PDE1A: variants seen among roughly 807,000 people sequenced by gnomAD.
The protein encoded by PDE1A is phosphodiesterase 1A, also known as dual specificity calcium/calmodulin-dependent 3',5'-cyclic nucleotide phosphodiesterase 1A.
PDE1A carries 35 observed loss-of-function variants against 61.7 expected under a neutral mutation model. The ratio of observed to expected loss-of-function variants is 0.57; its 90% CI spans 0.43 to 0.75. The LOEUF (loss-of-function observed/expected upper bound fraction) is 0.75. Among genes scored for constraint, PDE1A ranks in the 30% least tolerant of loss-of-function variants. PDE1A has a pLI of 0.00. For synonymous variants in PDE1A, 232 were observed against 213.2 expected, an observed-to-expected ratio of 1.09 and a Z score of -0.77; for missense variants, 597 against 630.6, an observed-to-expected ratio of 0.95 and a Z score of 0.57.
At chr2:182,373,344 C>T (rs542973485) in intron 1 of PDE1A, among the ~76,000 whole-genome samples, 1 of 152,230 alleles carries the variant, frequency 6.6e-6, no homozygotes, top group Non-Finnish European at 1.5e-5. Context: ...CAAGGGACTG[C>T]TAAGGAAAGG....
At chr2:182,527,040 A>T (rs557376176), upstream of PDE1A, among the ~76,000 whole-genome samples, 5 of 151,786 alleles carry the variant, frequency 3.3e-5, no homozygotes, top group Admixed American at 2.0e-4. Context: ...CATGACCAAT[A>T]AAAGATATTC....
At chr2:182,569,254 A>AATAT in the PDE1A span, among the ~76,000 whole-genome samples, 4,243 of 138,486 alleles carry the variant, frequency 0.031, 140 homozygotes, top group East Asian at 0.052. Flanking sequence ...ACCTGTCTCA[A>AATAT]ATATATATAT....
intron 1 of PDE1A, among the ~76,000 whole-genome samples, chr2:182,406,036 T>A (rs965646325): frequency 1.3e-5 from 2 of 152,020 alleles, no homozygotes; most frequent in Non-Finnish European, 2.9e-5. Flanking sequence ...CAAAAAAAAA[T>A]AAATTTCCTA....
In PDE1A at chr2:182,267,428, TGCACAC is replaced by T. The variant is rs556296628; in HGVS notation, c.54-3020_54-3015del. Among the ~76,000 whole-genome samples the T allele has an allele frequency of 8.9e-3, 776 of 87,204 alleles. 5 individuals carry two copies. The highest frequency in any genetic ancestry group is 0.036 in the Middle Eastern group (7 of 196). 57.2% of individuals were successfully genotyped at this position (87,204 alleles called of 152,430 possible). A position where few individuals can be genotyped will look rare whatever the true frequency, so the allele number is the denominator to read the frequency against. On this transcript the variant is annotated intron_variant, in intron 1 of 13. Transcript: ENST00000351439. The stretch of plus-strand genomic sequence containing the variant: ...AAAACCATATCCCCTCATGCACACA[TGCACAC>T]ACACACACACACACACACACACACG...
chr2:182,385,262 A>T (rs1003204072), intron 1 of PDE1A, among the ~76,000 whole-genome samples: 2 of 152,220 alleles, frequency 1.3e-5, no homozygotes, highest in Non-Finnish European at 2.9e-5. Flanking sequence ...CAAATTCATC[A>T]TACTCTAATA....
chr2:182,550,885 G>T, the PDE1A span, among the ~76,000 whole-genome samples: 35 of 152,168 alleles, frequency 2.3e-4, no homozygotes, highest in Middle Eastern at 3.4e-3. Context: ...GGCAAGAGGG[G>T]CTCAAAATTG....
the PDE1A span, among the ~76,000 whole-genome samples, chr2:182,553,760 T>A: frequency 4.6e-5 from 7 of 152,220 alleles, no homozygotes; most frequent in East Asian, 1.2e-3. Context: ...ATTTTCTAGA[T>A]GGAAAATGAG....
the PDE1A span, among the ~76,000 whole-genome samples, chr2:182,690,982 G>A: frequency 1.2e-4 from 18 of 151,794 alleles, no homozygotes; most frequent in African/African-American, 4.4e-4. Flanking sequence ...GGGATGTGAA[G>A]GACCTCTTCA....
the PDE1A span, among the ~76,000 whole-genome samples, chr2:182,566,285 T>C: frequency 1.3e-5 from 2 of 152,090 alleles, no homozygotes; most frequent in Non-Finnish European, 2.9e-5. Flanking sequence ...CATATCTATC[T>C]ACCTGCCATA....
chr2:182,410,188 C>T (rs112897826), intron 1 of PDE1A, among the ~76,000 whole-genome samples: 1 of 151,764 alleles, frequency 6.6e-6, no homozygotes, highest in Non-Finnish European at 1.5e-5. Flanking sequence ...CCTGTTTCTA[C>T]AATTTAAAAA....
At chr2:182,411,606 T>C (rs1302683763) in intron 1 of PDE1A, among the ~76,000 whole-genome samples, 2 of 152,162 alleles carry the variant, frequency 1.3e-5, no homozygotes, top group African/African-American at 2.4e-5. Flanking sequence ...CCATCGGCCA[T>C]GTATGAGAGT....
intron 1 of PDE1A, among the ~76,000 whole-genome samples, chr2:182,358,797 A>T (rs1699342547): frequency 6.6e-6 from 1 of 152,156 alleles, no homozygotes; most frequent in African/African-American, 2.4e-5. Context: ...CAGATGAGGA[A>T]ACTGAAGGAG....
chr2:182,261,518 T>C (rs1692215635), intron 2 of PDE1A, among the ~76,000 whole-genome samples: 1 of 152,132 alleles, frequency 6.6e-6, no homozygotes, highest in Non-Finnish European at 1.5e-5. Flanking sequence ...GAGTAAATAT[T>C]AGGAATAATG....
intron 2 of PDE1A, among the ~76,000 whole-genome samples, chr2:182,518,248 A>G (rs1559536072): frequency 6.6e-6 from 1 of 152,088 alleles, no homozygotes; most frequent in South Asian, 2.1e-4. Flanking sequence ...TTTTATTTTA[A>G]ATGTATATTT....
chr2:182,602,200 G>T, the PDE1A span, among the ~76,000 whole-genome samples: 1 of 152,238 alleles, frequency 6.6e-6, no homozygotes, highest in Non-Finnish European at 1.5e-5. Context: ...CCCCAAGAGT[G>T]CAGGATGCGT....
intron 2 of PDE1A, among the ~76,000 whole-genome samples, chr2:182,249,478 G>T (rs531772695): frequency 2.0e-5 from 3 of 152,106 alleles, no homozygotes; most frequent in Non-Finnish European, 4.4e-5. Context: ...CCCTTGTCAG[G>T]CCCCCTGAAG....
At chr2:182,465,154 T>C (rs1045857043) in intron 2 of PDE1A, among the ~76,000 whole-genome samples, 11 of 152,166 alleles carry the variant, frequency 7.2e-5, no homozygotes, top group Non-Finnish European at 1.3e-4. Context: ...CTTTATTTCA[T>C]AAGGACTGCA....
At chr2:182,703,410 A>T in the PDE1A span, among the ~76,000 whole-genome samples, 16 of 152,190 alleles carry the variant, frequency 1.1e-4, no homozygotes, top group Non-Finnish European at 2.4e-4. Flanking sequence ...AGAAATTCCA[A>T]TTCTGATCAG....
chr2:182,650,106 C>T, the PDE1A span, among the ~76,000 whole-genome samples: 1 of 151,940 alleles, frequency 6.6e-6, no homozygotes, highest in African/African-American at 2.4e-5. Context: ...GAGAGAGAGA[C>T]ATCTGCTGCC....
Sources: gnomAD v4.1 joint callset for allele counts (sites outside exome capture counted in the v4.1 genomes callset) on GRCh38, gnomAD v4.1.1 for gene constraint, MANE v1.5 for transcripts, NCBI Gene and HGNC (gene_info 2026-07-23, HGNC 2026-07-21) for gene names.